The following CREBRF variants were observed in gnomAD, a reference collection of about 807,000 sequenced individuals.
The protein encoded by CREBRF is CREB3 regulatory factor.
In CREBRF, 5 loss-of-function variants were observed where a neutral mutation model predicts 66.1. The observed-to-expected ratio is 0.08, with a 90% CI of 0.04 to 0.16. The LOEUF is 0.16. CREBRF is among the 10% of genes least tolerant of loss of function. CREBRF has a pLI of 1.00. For missense variants in CREBRF, 531 were observed against 744.9 expected, an observed-to-expected ratio of 0.71 and a Z score of 3.34; for synonymous variants, 229 against 264.4, an observed-to-expected ratio of 0.87 and a Z score of 1.30.
At chr5:173,108,931 A>G (rs763177631) in intron 5 of CREBRF, 113 bp downstream of exon 5, 12 of 889,060 alleles carry the variant, frequency 1.3e-5, no homozygotes, top group Non-Finnish European at 1.9e-5. Flanking sequence ...CAAACTGGAG[A>G]TGGGGACTGT....
At chr5:173,096,798 AT>A (rs1407415726) in intron 4 of CREBRF, among the ~76,000 whole-genome samples, 1 of 152,034 alleles carries the variant, frequency 6.6e-6, no homozygotes, top group East Asian at 1.9e-4. Flanking sequence ...TTTAAAGCAA[AT>A]TCTTTCAGAT....
intron 8 of CREBRF, 117 bp from the exon 9 acceptor site, chr5:173,133,513 T>C (rs995412913): frequency 1.4e-5 from 7 of 514,076 alleles, no homozygotes; most frequent in Admixed American, 3.8e-5. Context: ...GGGAATTCAT[T>C]TGGGACCAGT....
In CREBRF at chr5:173,067,165, T is replaced by G. The variant is rs539922439; in HGVS notation, c.-192+10686T>G. The stretch of plus-strand genomic sequence containing the variant: ...TGTCATTGTATGGACATACCACAAT[T>G]TATCTGTTTATCAGTGGGTAGACAT... On this transcript the variant is annotated intron_variant, in intron 1 of 8. Coordinates refer to ENST00000296953, the MANE Select transcript of CREBRF (RefSeq NM_153607.3). Among the ~76,000 whole-genome samples, 11 of 152,332 alleles carry G rather than the reference T, an allele frequency of 7.2e-5. No individual in the cohort carries two copies. The South Asian group carries it at 2.3e-3, about 32-fold the overall frequency.
intron 1 of CREBRF, among the ~76,000 whole-genome samples, chr5:173,073,332 A>G (rs1160125355): frequency 6.6e-6 from 1 of 152,182 alleles, no homozygotes; most frequent in Non-Finnish European, 1.5e-5. Context: ...TACCAAGACT[A>G]TATTACCTAG....
intron 4 of CREBRF, among the ~76,000 whole-genome samples, chr5:173,099,956 TCTTGGCTCACTGCAAC>T (rs1057088866): frequency 9.5e-5 from 14 of 146,802 alleles, no homozygotes; most frequent in East Asian, 2.0e-4. Context: ...AGTGGCACAG[TCTTGGCTCACTGCAAC>T]CTTGGCTCAC....
chr5:173,058,454 A>G (rs1423267776), intron 1 of CREBRF, among the ~76,000 whole-genome samples: 3 of 152,198 alleles, frequency 2.0e-5, no homozygotes, highest in African/African-American at 7.2e-5. Flanking sequence ...GTTGGAGAAA[A>G]AGAATAATTG....
At chr5:173,077,877 T>G (rs1473752871) in intron 1 of CREBRF, among the ~76,000 whole-genome samples, 1 of 152,236 alleles carries the variant, frequency 6.6e-6, no homozygotes, top group Non-Finnish European at 1.5e-5. Context: ...AGGTTCATTC[T>G]TGTTGTAGTG....
chr5:173,132,287 A>G (rs1490141672), intron 8 of CREBRF, among the ~76,000 whole-genome samples: 3 of 138,322 alleles, frequency 2.2e-5, no homozygotes, highest in Non-Finnish European at 3.2e-5. Flanking sequence ...GGATTTCACC[A>G]TGTTGGCCAG....
At chr5:173,109,096 G>A (rs190103044) in intron 5 of CREBRF, 1 of 312,568 alleles carries the variant, frequency 3.2e-6, no homozygotes, top group East Asian at 5.9e-5. Flanking sequence ...GAAATGACTA[G>A]GAGGCTGCTG....
intron 4 of CREBRF, among the ~76,000 whole-genome samples, chr5:173,095,396 A>G (rs1419984464): frequency 1.3e-5 from 2 of 151,826 alleles, no homozygotes; most frequent in African/African-American, 2.4e-5. Context: ...TCACTGTCTT[A>G]GCCAGGATGG....
At chr5:173,092,032 C>A in intron 4 of CREBRF, 1 of 369,814 alleles carries the variant, frequency 2.7e-6, no homozygotes, top group South Asian at 1.1e-4. Flanking sequence ...GGTTAGCTGA[C>A]ATCGCACCAT....
chr5:173,057,676 T>TTA (rs900330908), intron 1 of CREBRF: 19 of 152,062 alleles, frequency 1.2e-4, no homozygotes, highest in African/African-American at 4.6e-4. Context: ...TAAGACTACC[T>TTA]TAAGGAGGTA....
At chr5:173,065,763 C>G (rs1262122052) in intron 1 of CREBRF, among the ~76,000 whole-genome samples, 2 of 151,436 alleles carry the variant, frequency 1.3e-5, no homozygotes, top group African/African-American at 2.4e-5. Context: ...CCACCTCAGC[C>G]TCACGAGTAG....
intron 5 of CREBRF, chr5:173,109,651 T>G (rs1215607563): frequency 6.6e-6 from 1 of 152,076 alleles, no homozygotes; most frequent in Non-Finnish European, 1.5e-5. Flanking sequence ...CTGAAAAAAG[T>G]GGGGAGGGGA....
At chr5:173,069,071 CA>C (rs1757523206) in intron 1 of CREBRF, among the ~76,000 whole-genome samples, 2 of 150,686 alleles carry the variant, frequency 1.3e-5, no homozygotes, top group African/African-American at 4.9e-5. Context: ...GACTCCGTCT[CA>C]AAAAACAAAA....
chr5:173,091,986 C>T (rs1265844800), intron 4 of CREBRF: 4 of 263,294 alleles, frequency 1.5e-5, no homozygotes, highest in African/African-American at 2.3e-5. Context: ...GAGGTTGAGG[C>T]GGGAGAATCA....
At chr5:173,092,334 G>C in intron 4 of CREBRF, 7 of 983,946 alleles carry the variant, frequency 7.1e-6, no homozygotes, top group Non-Finnish European at 8.4e-6. Context: ...GCATGAAGGA[G>C]ACTCTGCTTT....
At chr5:173,103,742 A>T (rs1052362894) in intron 4 of CREBRF, among the ~76,000 whole-genome samples, 2 of 152,214 alleles carry the variant, frequency 1.3e-5, no homozygotes, top group Non-Finnish European at 2.9e-5. Flanking sequence ...ATGAAATTAC[A>T]TGATTGTAAG....
intron 8 of CREBRF, among the ~76,000 whole-genome samples, chr5:173,132,150 A>G (rs1390025760): frequency 6.8e-6 from 1 of 147,558 alleles, no homozygotes; most frequent in Non-Finnish European, 1.5e-5. Flanking sequence ...CGGTGGCACA[A>G]TCTTGACTCA....
Sources: allele counts gnomAD v4.1 joint callset (sites outside exome capture counted in the v4.1 genomes callset), GRCh38; gene constraint gnomAD v4.1.1; transcripts MANE v1.5; gene names NCBI Gene and HGNC (gene_info 2026-07-23, HGNC 2026-07-21).